The following NAV3 variants were observed in gnomAD, a reference collection of about 807,000 sequenced individuals.
NAV3 encodes neuron navigator 3.
NAV3 carries 87 observed loss-of-function variants against 244.7 expected under a neutral mutation model. The observed-to-expected ratio is 0.36, with a 90% CI of 0.30 to 0.42. NAV3 has a LOEUF of 0.42. Ranked by LOEUF, NAV3 falls within the 20% of genes least tolerant of loss-of-function variation. The probability of loss-of-function intolerance (pLI) is 1.00; values close to 1 mark genes in which losing one functional copy is unlikely to be tolerated. For missense variants in NAV3, 2,663 were observed against 2,893.3 expected, an observed-to-expected ratio of 0.92 and a Z score of 1.83; for synonymous variants, 1,126 against 1,042.2, an observed-to-expected ratio of 1.08 and a Z score of -1.55.
At chr12:77,852,590 TGAA>T (rs534457503) in intron 1 of NAV3, among the ~76,000 whole-genome samples, 1 of 152,208 alleles carries the variant, frequency 6.6e-6, no homozygotes, top group Admixed American at 6.5e-5. Flanking sequence ...GTTATACTTA[TGAA>T]GAATAACAAA....
chr12:77,843,580 G>A (rs1592757589), intron 1 of NAV3, among the ~76,000 whole-genome samples: 1 of 150,708 alleles, frequency 6.6e-6, no homozygotes, highest in East Asian at 1.9e-4. Context: ...TTCTTTTTAG[G>A]AATCTATATT....
intron 3 of NAV3, among the ~76,000 whole-genome samples, chr12:77,954,796 TA>T (rs1255232128): frequency 6.6e-6 from 1 of 152,200 alleles, no homozygotes; most frequent in South Asian, 2.1e-4. Flanking sequence ...TAGGATTTTT[TA>T]AAAAATTGGA....
intron 5 of NAV3, among the ~76,000 whole-genome samples, chr12:77,988,924 G>A (rs1870997019): frequency 6.6e-6 from 1 of 152,128 alleles, no homozygotes; most frequent in African/African-American, 2.4e-5. Context: ...CTTTTCTGCT[G>A]TCCAGTGAGG....
intron 2 of NAV3, among the ~76,000 whole-genome samples, chr12:77,726,379 T>C (rs1876880273): frequency 6.6e-6 from 1 of 151,902 alleles, no homozygotes; most frequent in South Asian, 2.1e-4. Context: ...ATATTTATTG[T>C]ATATCAGTTG....
intron 9 of NAV3, among the ~76,000 whole-genome samples, chr12:78,023,667 T>C (rs1287980030): frequency 6.6e-6 from 1 of 152,196 alleles, no homozygotes; most frequent in African/African-American, 2.4e-5. Flanking sequence ...AGAATTGTGA[T>C]ATTATTTGCA....
chr12:78,212,792 C>T lies in NAV3; in HGVS notation c.*2275C>T, dbSNP rs1960982280. ...TGATGTAACATATCATGTAAATAGG[C>T]AGAAACAGTGAAATAAATCATCTGA... On this transcript the variant is annotated 3_prime_UTR_variant, in exon 40 of 40. Coordinates refer to ENST00000397909, the MANE Select transcript of NAV3 (RefSeq NM_001024383.2). The T allele has an allele frequency of 6.6e-6, 1 of 152,530 alleles. No individual in the cohort carries two copies. The highest frequency in any genetic ancestry group is 1.5e-5 in the Non-Finnish European group (1 of 68,012). 9.4% of individuals were successfully genotyped at this position (152,530 alleles called of 1,614,324 possible).
intron 2 of NAV3, among the ~76,000 whole-genome samples, chr12:77,636,185 G>T (rs374933319): frequency 5.9e-5 from 9 of 152,068 alleles, no homozygotes; most frequent in African/African-American, 1.7e-4. Context: ...CAGGAAACAG[G>T]CCAGGCACGG....
At chr12:77,878,629 C>T (rs1882181974) in intron 1 of NAV3, among the ~76,000 whole-genome samples, 1 of 150,656 alleles carries the variant, frequency 6.6e-6, no homozygotes, top group Non-Finnish European at 1.5e-5. Flanking sequence ...CATATGGAAA[C>T]TGTATTATCT....
chr12:77,678,579 C>T lies in NAV3; in HGVS notation c.72+106313C>T, dbSNP rs187691484. On this transcript the variant is annotated intron_variant, in intron 2 of 8. Transcript: ENST00000550042. ...TTACAGGAATTTCCTCAACTTTCTGCGGAATGCTAGCTGGTGCTTACTTGT... is the reference window on the plus strand; with the variant it reads ...TTACAGGAATTTCCTCAACTTTCTGTGGAATGCTAGCTGGTGCTTACTTGT... Among the ~76,000 whole-genome samples, 778 of 152,248 alleles carry T rather than the reference C, an allele frequency of 5.1e-3. 3 individuals carry two copies. The highest frequency in any genetic ancestry group is 8.4e-3 in the Non-Finnish European group (569 of 68,010).
In NAV3 at chr12:78,049,067, C is replaced by T. The variant is rs944299763; in HGVS notation, c.2024-926C>T. ...CCTCAGTTATGGCAGTTGCCCCTCC[C>T]CCCACCAAGCTCCAGGGTCCCAGGT... On this transcript the variant is annotated intron_variant, in intron 9 of 39. Transcript: ENST00000397909. 1.5e-3 allele frequency among the ~76,000 whole-genome samples: 222 copies of T among 152,290 alleles called. 3 individuals are homozygous for T. The highest frequency in any genetic ancestry group is 1.3e-4 in the Non-Finnish European group (9 of 68,028).
At chr12:77,600,249 T>C (rs1387812662) in intron 2 of NAV3, among the ~76,000 whole-genome samples, 1 of 151,954 alleles carries the variant, frequency 6.6e-6, no homozygotes, top group Non-Finnish European at 1.5e-5. Flanking sequence ...CAGCATATCT[T>C]TGGCATTCTC....
At chr12:77,931,426 G>A (rs1555233338) in intron 1 of NAV3, among the ~76,000 whole-genome samples, 1 of 151,906 alleles carries the variant, frequency 6.6e-6, no homozygotes, top group Non-Finnish European at 1.5e-5. Context: ...TAATTTCCCT[G>A]AAGTTCTCTT....
At chr12:77,619,421 T>C (rs1175104196) in intron 2 of NAV3, among the ~76,000 whole-genome samples, 1 of 152,204 alleles carries the variant, frequency 6.6e-6, no homozygotes, top group Non-Finnish European at 1.5e-5. Flanking sequence ...ACCAGAACAA[T>C]TGCATTTCAT....
chr12:77,916,687 C>T (rs547272104), intron 1 of NAV3, among the ~76,000 whole-genome samples: 17 of 152,038 alleles, frequency 1.1e-4, no homozygotes, highest in African/African-American at 2.9e-4. Context: ...ATTAAATGCA[C>T]GTTTTTCGTC....
rs17044188 is a variant in NAV3, at chr12:77,734,464, C to T, written c.72+162198C>T. 7.1e-3 allele frequency among the ~76,000 whole-genome samples: 1,080 copies of T among 152,082 alleles called. 13 individuals carry two copies. The highest frequency in any genetic ancestry group is 0.025 in the African/African-American group (1,028 of 41,488). ...GCTCAAACTATACATGATTAATACC[C>T]GGTCTAGAATGAAACTAAATTTTGA... On this transcript the variant is annotated intron_variant, in intron 2 of 8. Transcript: ENST00000550042.
intron 13 of NAV3, 33 bp from the exon 14 acceptor site, chr12:78,117,994 C>A: frequency 6.6e-7 from 1 of 1,511,542 alleles, no homozygotes; most frequent in Non-Finnish European, 8.9e-7. Context: ...AATTTTTCTA[C>A]ATAAAGTTTT....
At chr12:78,181,272 A>G (rs189488724) in intron 30 of NAV3, among the ~76,000 whole-genome samples, 42 of 152,226 alleles carry the variant, frequency 2.8e-4, no homozygotes, top group Admixed American at 2.4e-3. Context: ...TATTTTTAAG[A>G]AATCACTTTT....
chr12:78,191,839 G>A (rs1958995659), intron 34 of NAV3, among the ~76,000 whole-genome samples: 1 of 152,036 alleles, frequency 6.6e-6, no homozygotes. Flanking sequence ...CTCAATGTTT[G>A]TTTTTTCCTC....
chr12:78,007,152 G>T lies in NAV3; in HGVS notation c.1614G>T (p.Lys538Asn), dbSNP rs2136588802. 1.9e-6 allele frequency: 3 copies of T among 1,614,064 alleles called. No homozygotes were observed. The highest frequency in any genetic ancestry group is 2.5e-6 in the Non-Finnish European group (3 of 1,180,026). Reference protein sequence around the residue: ...PKPGSKVPTVKQTISPGSTAS... With the variant: ...PKPGSKVPTVNQTISPGSTAS... ...CAGGCTCTAAAGTTCCAACAGTAAA[G>T]CAAACCATTTCACCTGGCAGCACAG... Residue 538 changes from lysine to asparagine, a missense_variant, in exon 8 of 40, where the codon AAG (lysine) becomes AAT (asparagine). Physicochemically the swap from Lys to Asn is moderately conservative, Grantham distance 94. Coordinates refer to ENST00000397909, the MANE Select transcript of NAV3 (RefSeq NM_001024383.2).
Sources: gnomAD v4.1 joint callset for allele counts (sites outside exome capture counted in the v4.1 genomes callset) on GRCh38, gnomAD v4.1.1 for gene constraint, MANE v1.5 for transcripts, NCBI Gene and HGNC (gene_info 2026-07-23, HGNC 2026-07-21) for gene names.